Variants in PHF8 observed in about 807,000 individuals in gnomAD.
PHF8 encodes histone lysine demethylase PHF8.
PHF8 carries 9 observed loss-of-function variants against 74.4 expected under a neutral mutation model. The ratio of observed to expected loss-of-function variants is 0.12; its 90% CI spans 0.07 to 0.21. The LOEUF is 0.21. PHF8 is among the 10% of genes least tolerant of loss of function. PHF8 has a pLI of 1.00. For missense variants in PHF8, 478 were observed against 816.6 expected (o/e 0.59, Z 5.05); for synonymous variants, 311 against 316.6 (o/e 0.98, Z 0.19).
chrX:53,994,009 G>A (rs2065710024), intron 12 of PHF8, 106 bp from the exon 13 acceptor site: 1 of 560,325 alleles, frequency 1.8e-6, no homozygotes, highest in East Asian at 3.6e-5. Context: ...CATGGAAGTG[G>A]CTTATAGATG....
At chrX:53,968,819 G>T (rs1431091766) in intron 18 of PHF8, among the ~76,000 whole-genome samples, 1 of 111,868 alleles carries the variant, frequency 8.9e-6, no homozygotes, top group African/African-American at 3.2e-5. Flanking sequence ...TGAGGCAGGA[G>T]AATCGCTTGA....
Position 53,940,348 on chromosome X carries a change from G to T in PHF8, c.2818C>A (p.Pro940Thr). The T allele has an allele frequency of 8.3e-7, 1 of 1,210,214 alleles. No individual in the cohort carries two copies. The highest frequency in any genetic ancestry group is 1.1e-6 in the Non-Finnish European group (1 of 894,734). ...TSSSPLPPPE[P>T]KQEALSGSLA... ...CTTCCTGACAGGGCCTCTTGTTTAGGCTCAGGAGGAGGCAGGGGTGAGGAG... is the reference window on the plus strand; with the variant it reads ...CTTCCTGACAGGGCCTCTTGTTTAGTCTCAGGAGGAGGCAGGGGTGAGGAG... Residue 940 changes from proline (P) to threonine (T), a missense_variant, in exon 21 of 22, where the codon CCT becomes ACT. By Grantham distance (38) the Pro-to-Thr change is conservative. Transcript: ENST00000338154.
Position 54,042,832 on chromosome X carries a change from T to G in PHF8, c.-92-12A>C, listed in dbSNP as rs1603348030. On this transcript the variant is annotated splice_polypyrimidine_tract_variant and intron_variant, in intron 1 of 21. Transcript: ENST00000338154. ...TCTCTGGACGATAGCTAGGCACAAA[T>G]AACACTTTTTACAGAGTGAATCAGC... The G allele has an allele frequency of 9.0e-7, 1 of 1,111,512 alleles. No individual in the cohort carries two copies. The highest frequency in any genetic ancestry group is 1.2e-6 in the Non-Finnish European group (1 of 834,847). The allele number at this position is 1,111,512 out of a possible 1,213,427, so 91.6% of individuals were successfully genotyped here.
intron 19 of PHF8, 87 bp from the exon 20 acceptor site, chrX:53,944,330 A>G: frequency 1.5e-6 from 1 of 669,851 alleles, no homozygotes; most frequent in Admixed American, 2.5e-5. Context: ...CTCCAAAGGT[A>G]CTCTCATTGG....
intron 14 of PHF8, among the ~76,000 whole-genome samples, chrX:53,988,620 AT>A (rs782162879): frequency 8.3e-4 from 83 of 100,147 alleles, no homozygotes; most frequent in East Asian, 2.1e-3. Flanking sequence ...CCAAAAAAAA[AT>A]TTTTTTTTTT....
At chrX:53,956,183 G>C (rs2065010498) in intron 19 of PHF8, among the ~76,000 whole-genome samples, 1 of 111,593 alleles carries the variant, frequency 9.0e-6, no homozygotes, top group African/African-American at 3.3e-5. Context: ...CTGGGAGGCG[G>C]AGGTTGTAGT....
chrX:53,943,772 G>A (rs2060707107), intron 20 of PHF8, among the ~76,000 whole-genome samples: 1 of 112,019 alleles, frequency 8.9e-6, no homozygotes, highest in Admixed American at 9.4e-5. Flanking sequence ...GGGTGGCTGA[G>A]AACTTGAGCG....
intron 2 of PHF8, among the ~76,000 whole-genome samples, chrX:54,040,889 G>A (rs1309656262): frequency 2.7e-5 from 3 of 112,166 alleles, no homozygotes; most frequent in Non-Finnish European, 3.8e-5. Flanking sequence ...CAGGGCAAAG[G>A]AAAAGGTCCC....
rs906138993 is a variant in PHF8, at chrX:54,044,047, C to T, written c.-378G>A. On this transcript the variant is annotated 5_prime_UTR_variant, in exon 1 of 22. Coordinates refer to ENST00000338154, the MANE Select transcript of PHF8 (RefSeq NM_015107.3). ...GAACCTCGCTCGCCTTCCCCTCGAG[C>T]CCCCCGCTGGGTCGCGCGGCGCCAG... 3 of 754,368 alleles carry T rather than the reference C, an allele frequency of 4.0e-6. No individual in the cohort carries two copies. Among genetic ancestry groups the T allele is most frequent in the Admixed American group, 1.7e-4 (2 of 11,681 alleles). 62.2% of individuals were successfully genotyped at this position (754,368 alleles called of 1,213,427 possible).
At chrX:53,986,032 G>T in intron 16 of PHF8, 83 bp from the exon 17 acceptor site, 3 of 883,900 alleles carry the variant, frequency 3.4e-6, no homozygotes, top group South Asian at 2.0e-5. Context: ...TCTGACTCCT[G>T]ATATTAATAT....
Position 53,995,150 on chromosome X carries a change from G to A in PHF8, c.1323+543C>T, listed in dbSNP as rs782301223. 48 of 340,397 alleles carry A rather than the reference G, an allele frequency of 1.4e-4. No individual in the cohort carries two copies. The highest frequency in any genetic ancestry group is 1.7e-4 in the Non-Finnish European group (29 of 169,814). The allele number at this position is 340,397 out of a possible 1,213,427, so 28.1% of individuals were successfully genotyped here. A position where few individuals can be genotyped will look rare whatever the true frequency, so the allele number is the denominator to read the frequency against. ...TCTTACCACTATACCTTACTGCCTC[G>A]TGGTATATGCCACCTGTTGAAACAT... On this transcript the variant is annotated intron_variant, in intron 12 of 21. Transcript: ENST00000338154.
intron 2 of PHF8, among the ~76,000 whole-genome samples, chrX:54,034,657 T>C (rs2066418417): frequency 9.2e-6 from 1 of 109,279 alleles, no homozygotes; most frequent in Admixed American, 9.9e-5. Flanking sequence ...ACCCCGTTTC[T>C]ACTAAAAATA....
intron 19 of PHF8, among the ~76,000 whole-genome samples, chrX:53,944,775 C>A (rs1209145458): frequency 8.9e-6 from 1 of 112,553 alleles, no homozygotes. Flanking sequence ...AATTCCAGCA[C>A]TTTGGGAGGC....
Position 53,985,237 on chromosome X carries a change from A to C in PHF8, c.2130-10T>G, listed in dbSNP as rs1783027006. 8.5e-7 allele frequency: 1 copy of C among 1,174,003 alleles called. No homozygotes were observed. The highest frequency in any genetic ancestry group is 1.2e-6 in the Non-Finnish European group (1 of 869,094). ...AGAAGCTGGGGCCTCGCTGCAAGGA[A>C]CAGAGGAGAAATACTGAGAGAGTTG... On this transcript the variant is annotated splice_polypyrimidine_tract_variant and intron_variant, in intron 17 of 21. Transcript: ENST00000338154.
Position 53,960,476 on chromosome X carries a change from G to A in PHF8, c.2539+2368C>T, listed in dbSNP as rs371766206. 9.1e-5 allele frequency among the ~76,000 whole-genome samples: 10 copies of A among 109,466 alleles called. 1 individual carries two copies. The highest frequency in any genetic ancestry group is 4.1e-4 in the South Asian group (1 of 2,450). Reference sequence around the variant, plus strand: ...CATAATTGTATACATGTGGCCAGGCGTGGTGGCTCATACCTGTAATTCCAG... The same window carrying A: ...CATAATTGTATACATGTGGCCAGGCATGGTGGCTCATACCTGTAATTCCAG... On this transcript the variant is annotated intron_variant, in intron 19 of 21. Transcript: ENST00000338154.
At chrX:54,040,452 A>G (rs1411314404) in intron 2 of PHF8, among the ~76,000 whole-genome samples, 1 of 112,205 alleles carries the variant, frequency 8.9e-6, no homozygotes, top group Non-Finnish European at 1.9e-5. Context: ...CTAACGAATG[A>G]CACAGATATA....
intron 19 of PHF8, among the ~76,000 whole-genome samples, chrX:53,945,405 G>C (rs1172608432): frequency 9.2e-6 from 1 of 108,161 alleles, no homozygotes; most frequent in Non-Finnish European, 1.9e-5. Context: ...AGCTGCTCAG[G>C]AGGCTGAGGC....
At chrX:53,951,831 G>A (rs1557086993) in intron 19 of PHF8, among the ~76,000 whole-genome samples, 1 of 111,646 alleles carries the variant, frequency 9.0e-6, no homozygotes, top group Non-Finnish European at 1.9e-5. Flanking sequence ...AGAACCCATG[G>A]AGGTTAGAAG....
chrX:54,006,654 G>T (rs1399461052), intron 8 of PHF8, among the ~76,000 whole-genome samples: 1 of 111,488 alleles, frequency 9.0e-6, no homozygotes, highest in African/African-American at 3.3e-5. Flanking sequence ...TCAGGGGACC[G>T]GCTGGGCCCT....
Sources: allele counts gnomAD v4.1 joint callset (sites outside exome capture counted in the v4.1 genomes callset), GRCh38; gene constraint gnomAD v4.1.1; transcripts MANE v1.5; gene names NCBI Gene and HGNC (gene_info 2026-07-23, HGNC 2026-07-21).